The following SENP6 variants were observed in gnomAD, a reference collection of about 807,000 sequenced individuals.
SENP6 encodes sentrin-specific protease 6.
In SENP6, 41 loss-of-function variants were observed where a neutral mutation model predicts 134.5. That is an observed-to-expected ratio of 0.30 (90% CI 0.24 to 0.40). The LOEUF (loss-of-function observed/expected upper bound fraction) is 0.40, where lower values mean the gene tolerates loss of function less well. Ranked by LOEUF, SENP6 falls within the 10% of genes least tolerant of loss-of-function variation. The pLI is 1.00. For synonymous variants in SENP6, 395 were observed against 429.8 expected (o/e 0.92, Z 1.00); for missense variants, 1,248 against 1,312.5 (o/e 0.95, Z 0.76).
intron 3 of SENP6, among the ~76,000 whole-genome samples, chr6:75,632,276 A>G (rs1029039901): frequency 1.6e-4 from 24 of 152,194 alleles, no homozygotes; most frequent in Non-Finnish European, 3.2e-4. Context: ...TTTGGAACGC[A>G]ATTGACTGTT....
At chr6:75,604,643 G>A (rs1393592783) in intron 1 of SENP6, among the ~76,000 whole-genome samples, 2 of 150,732 alleles carry the variant, frequency 1.3e-5, no homozygotes, top group Non-Finnish European at 3.0e-5. Flanking sequence ...AAAAGCATAA[G>A]GAAAAGGAAC....
At chr6:75,712,546 G>A (rs1775808896) in intron 21 of SENP6, among the ~76,000 whole-genome samples, 1 of 151,844 alleles carries the variant, frequency 6.6e-6, no homozygotes, top group Non-Finnish European at 1.5e-5. Context: ...ATAGCCAACT[G>A]TGGTGGCTAA....
At chr6:75,662,053 A>AAAATAAAT (rs370813391) in intron 8 of SENP6, among the ~76,000 whole-genome samples, 12 of 151,772 alleles carry the variant, frequency 7.9e-5, no homozygotes, top group African/African-American at 2.7e-4. Flanking sequence ...TCTCCTTCTC[A>AAAATAAAT]AAATAAATAA....
chr6:75,713,866 A>G (rs778074142), intron 23 of SENP6, 41 bp downstream of exon 23: 2 of 1,408,310 alleles, frequency 1.4e-6, no homozygotes. Context: ...TAAATAATAA[A>G]ATAGTGCATT....
intron 10 of SENP6, among the ~76,000 whole-genome samples, chr6:75,670,027 A>AGG (rs1772547517): frequency 6.6e-6 from 1 of 152,048 alleles, no homozygotes; most frequent in Admixed American, 6.6e-5. Flanking sequence ...TCCACCTCCC[A>AGG]GGTTTAAGCA....
At chr6:75,664,150 A>G (rs1301316186) in intron 9 of SENP6, among the ~76,000 whole-genome samples, 1 of 152,108 alleles carries the variant, frequency 6.6e-6, no homozygotes, top group African/African-American at 2.4e-5. Flanking sequence ...CTTCTAAAAA[A>G]TAGAAATTGG....
rs749767198 is a variant in SENP6 at position 75,713,740 on chromosome 6, A to T, written c.3044A>T (p.Lys1015Met). The T allele has an allele frequency of 1.2e-6, 2 of 1,613,406 alleles. No individual in the cohort carries two copies. Among genetic ancestry groups the T allele is most frequent in the South Asian group, 2.2e-5 (2 of 91,002 alleles). Residue 1015 changes from lysine to methionine, a missense_variant, in exon 23 of 24, where the codon AAG becomes ATG. By Grantham distance (95) the Lys-to-Met change is moderately conservative. Transcript: ENST00000447266. ...AGAAGTTTTTCCAAAGATGTTATGA[A>T]GGGCTCTAATCCAAAAGTACCACAG... ...SKRSFSKDVM[K>M]GSNPKVPQQN...
At position 75,677,129 on chromosome 6, in the gene SENP6, A is replaced by G. The variant is rs1446942399; in HGVS notation, c.1721A>G (p.Asn574Ser). The G allele has an allele frequency of 1.2e-6, 2 of 1,610,888 alleles. No homozygotes were observed. Among genetic ancestry groups the G allele is most frequent in the South Asian group, 2.2e-5 (2 of 90,806 alleles). ...ATCATTAATGAAATTGGTATAAAGA[A>G]TAACATCTCCAATTTTTTTGCGAAA... is the stretch of plus-strand genomic sequence containing the variant. ...ESIINEIGIK[N>S]NISNFFAKIP... The change falls in exon 14 of 24, where the codon AAT becomes AGT. Residue 574 changes from asparagine (N) to serine (S), a missense_variant. Asn to Ser is a conservative substitution (Grantham distance 46). This residue lies in a region of SENP6 where 733 missense variants were observed against 725.4 expected (regional missense o/e 1.01). Transcript: ENST00000447266.
chr6:75,700,993 C>T (rs549741981), intron 18 of SENP6, among the ~76,000 whole-genome samples: 4 of 152,206 alleles, frequency 2.6e-5, no homozygotes, highest in Admixed American at 1.3e-4. Flanking sequence ...ATCTGGACTT[C>T]GCAATACAGA....
intron 16 of SENP6, among the ~76,000 whole-genome samples, chr6:75,695,080 T>C (rs1245649106): frequency 6.6e-6 from 1 of 152,026 alleles, no homozygotes; most frequent in East Asian, 1.9e-4. Flanking sequence ...TTCATCATAT[T>C]GGCCAGGCTG....
intron 16 of SENP6, chr6:75,679,212 A>T (rs901810813): frequency 1.2e-5 from 3 of 259,362 alleles, no homozygotes; most frequent in Non-Finnish European, 1.4e-5. Context: ...CCAAGAGTTC[A>T]CGACCAGCCT....
intron 1 of SENP6, among the ~76,000 whole-genome samples, chr6:75,617,460 CAG>C (rs1335731257): frequency 6.6e-6 from 1 of 151,538 alleles, no homozygotes; most frequent in African/African-American, 2.4e-5. Context: ...TTAGTAGAGA[CAG>C]GGTTTCTCCA....
Position 75,602,395 on chromosome 6 carries a change from C to T in SENP6, c.-130C>T, listed in dbSNP as rs895620944. 4.6e-6 allele frequency: 5 copies of T among 1,081,468 alleles called. No individual in the cohort carries two copies. The highest frequency in any genetic ancestry group is 1.6e-5 in the African/African-American group (1 of 63,790). The allele number at this position is 1,081,468 out of a possible 1,614,324, so 67.0% of individuals were successfully genotyped here. On this transcript the variant is annotated 5_prime_UTR_variant, in exon 1 of 24. Coordinates refer to ENST00000447266, the MANE Select transcript of SENP6 (RefSeq NM_015571.4). ...CCCGTCTGAACGTGGGAGCGCAGCC[C>T]GCCTGACGGCTGAGCCCGAGGCCCG...
chr6:75,699,354 C>T (rs992824195), intron 18 of SENP6, among the ~76,000 whole-genome samples: 207 of 114,858 alleles, frequency 1.8e-3, no homozygotes, highest in African/African-American at 2.3e-3. Context: ...TTTGTTTTTG[C>T]TTTTTTTTTT....
intron 7 of SENP6, among the ~76,000 whole-genome samples, chr6:75,650,929 T>C (rs1770814646): frequency 6.6e-6 from 1 of 152,226 alleles, no homozygotes. Context: ...TGATTTTCTT[T>C]ATTGTTCTCT....
rs1348745680 is a variant in SENP6, at chr6:75,676,072, G to C, written c.1621+18G>C. 6.7e-7 allele frequency: 1 copy of C among 1,481,884 alleles called. No individual in the cohort carries two copies. The highest frequency in any genetic ancestry group is 9.1e-7 in the Non-Finnish European group (1 of 1,094,206). The allele number at this position is 1,481,884 out of a possible 1,614,324, so 91.8% of individuals were successfully genotyped here. The stretch of plus-strand genomic sequence containing the variant: ...ATTAACAAGTAAGTTGTGTAAAACA[G>C]ATTATAATAGATAATAATAGATACT... On this transcript the variant is annotated intron_variant, in intron 13 of 23. Coordinates refer to ENST00000447266, the MANE Select transcript of SENP6 (RefSeq NM_015571.4).
At chr6:75,674,554 C>T (rs1299925813) in intron 11 of SENP6, among the ~76,000 whole-genome samples, 3 of 152,100 alleles carry the variant, frequency 2.0e-5, no homozygotes, top group South Asian at 4.1e-4. Context: ...AACTCTTGGG[C>T]TCAAGCCATC....
chr6:75,650,571 TATTA>T (rs1248171572), intron 7 of SENP6, among the ~76,000 whole-genome samples: 1 of 152,182 alleles, frequency 6.6e-6, no homozygotes, highest in Non-Finnish European at 1.5e-5. Context: ...TATTGATGAT[TATTA>T]ATTATTTATA....
Position 75,711,404 on chromosome 6 carries a change from C to T in SENP6, c.2897C>T (p.Thr966Ile). Reference protein sequence around the residue: ...SEIGQWHLKPTICKQPCILLM... With the variant: ...SEIGQWHLKPIICKQPCILLM... ...ATAGGACAGTGGCATTTAAAGCCTA[C>T]TATCTGTAAACAGTAAGCATTAACT... The change falls in exon 21 of 24, where the codon ACT (threonine) becomes ATT (isoleucine). Residue 966 changes from threonine (T) to isoleucine (I), a missense_variant. Around this residue, in one of 3 missense-constraint regions of SENP6, gnomAD observed 386 missense variants for 395.0 expected, o/e 0.98. Coordinates refer to ENST00000447266, the MANE Select transcript of SENP6 (RefSeq NM_015571.4). 6.2e-7 allele frequency: 1 copy of T among 1,609,140 alleles called. No individual in the cohort carries two copies. The highest frequency in any genetic ancestry group is 8.5e-7 in the Non-Finnish European group (1 of 1,176,074).
Sources: allele counts gnomAD v4.1 joint callset (sites outside exome capture counted in the v4.1 genomes callset), GRCh38; gene constraint gnomAD v4.1.1; regional missense constraint gnomAD v4.1.1; transcripts MANE v1.5; gene names NCBI Gene and HGNC (gene_info 2026-07-23, HGNC 2026-07-21).